The following PDE4D variants were observed in gnomAD, a reference collection of about 807,000 sequenced individuals.
PDE4D encodes 3',5'-cyclic-AMP phosphodiesterase 4D.
A neutral mutation model predicts 87.4 loss-of-function variants in PDE4D; 24 were observed. The ratio of observed to expected loss-of-function variants is 0.27; its 90% CI spans 0.20 to 0.39. The LOEUF (loss-of-function observed/expected upper bound fraction) is 0.39. Ranked by LOEUF, PDE4D falls within the 10% of genes least tolerant of loss-of-function variation. The probability of loss-of-function intolerance (pLI) is 1.00; values close to 1 mark genes in which losing one functional copy is unlikely to be tolerated. For synonymous variants in PDE4D, 384 were observed against 383.2 expected, an observed-to-expected ratio of 1.00 and a Z score of -0.02; for missense variants, 714 against 1,041.0, an observed-to-expected ratio of 0.69 and a Z score of 4.32.
chr5:59,973,599 C>A (rs911197551), intron 3 of PDE4D, among the ~76,000 whole-genome samples: 3 of 152,082 alleles, frequency 2.0e-5, no homozygotes, highest in Non-Finnish European at 4.4e-5. Flanking sequence ...TTGAACAGAA[C>A]ATACCAGAAT....
At chr5:60,441,717 C>T (rs1745230570) in intron 1 of PDE4D, among the ~76,000 whole-genome samples, 2 of 152,076 alleles carry the variant, frequency 1.3e-5, no homozygotes, top group African/African-American at 4.8e-5. Context: ...TCAGAATCTA[C>T]AAGGAACTTA....
At chr5:60,403,650 G>A (rs1038796993) in intron 1 of PDE4D, among the ~76,000 whole-genome samples, 1 of 152,218 alleles carries the variant, frequency 6.6e-6, no homozygotes, top group South Asian at 2.1e-4. Flanking sequence ...AGGGAAACTA[G>A]AGCTAATAGA....
At position 59,223,294 on chromosome 5, in the gene PDE4D, G is replaced by A. The variant is rs140469607; in HGVS notation, c.456-7326C>T. 4.9e-3 allele frequency among the ~76,000 whole-genome samples: 739 copies of A among 152,210 alleles called. 3 individuals are homozygous for A. Among genetic ancestry groups the A allele is most frequent in the African/African-American group, 0.017 (699 of 41,514 alleles). ...TTGGAGGTCCCAACAACCTAGGTGG[G>A]GCTCCAGCTGAATATAATGAGCAGA... On this transcript the variant is annotated intron_variant, in intron 1 of 14. Coordinates refer to ENST00000340635, the MANE Select transcript of PDE4D (RefSeq NM_001104631.2).
chr5:60,499,503 C>T (rs1749968230), intron 1 of PDE4D, among the ~76,000 whole-genome samples: 2 of 152,272 alleles, frequency 1.3e-5, no homozygotes, highest in Middle Eastern at 3.4e-3. Flanking sequence ...TGACTCCCCT[C>T]AGCTTTCTCC....
chr5:59,748,483 G>T (rs990903426), intron 1 of PDE4D, among the ~76,000 whole-genome samples: 2 of 152,136 alleles, frequency 1.3e-5, no homozygotes, highest in East Asian at 3.9e-4. Context: ...AAAAAAGGAT[G>T]AGTTCACGTG....
At chr5:59,662,232 C>T (rs1580241962) in intron 1 of PDE4D, among the ~76,000 whole-genome samples, 1 of 152,148 alleles carries the variant, frequency 6.6e-6, no homozygotes, top group Non-Finnish European at 1.5e-5. Flanking sequence ...GACAGGAAAA[C>T]AAGAAAATAC....
chr5:60,219,726 G>A (rs990112611), intron 1 of PDE4D, among the ~76,000 whole-genome samples: 1 of 152,134 alleles, frequency 6.6e-6, no homozygotes, highest in Non-Finnish European at 1.5e-5. Context: ...CTAAACTAAG[G>A]CCGGGACCTT....
intron 1 of PDE4D, among the ~76,000 whole-genome samples, chr5:60,382,501 C>A (rs1452376266): frequency 6.6e-6 from 1 of 152,098 alleles, no homozygotes; most frequent in Non-Finnish European, 1.5e-5. Flanking sequence ...CTGCTTCCTC[C>A]AGAGGTGATT....
At chr5:60,189,161 G>A (rs1455898348) in intron 1 of PDE4D, among the ~76,000 whole-genome samples, 2 of 152,190 alleles carry the variant, frequency 1.3e-5, no homozygotes, top group Non-Finnish European at 2.9e-5. Context: ...AAAGAAGGAA[G>A]AGTCAGCTCC....
intron 1 of PDE4D, among the ~76,000 whole-genome samples, chr5:60,271,587 TATATA>T (rs550867791): frequency 1.1e-3 from 168 of 152,286 alleles, no homozygotes; most frequent in Non-Finnish European, 8.1e-4. Context: ...GAAAAGGCCC[TATATA>T]GTCATTCTGA....
At chr5:60,068,443 T>A (rs1218297064) in intron 2 of PDE4D, among the ~76,000 whole-genome samples, 1 of 152,078 alleles carries the variant, frequency 6.6e-6, no homozygotes, top group African/African-American at 2.4e-5. Context: ...TTTATTTTTC[T>A]CTCTCTTTTA....
rs1371063155 is a variant in PDE4D at position 59,079,441 on chromosome 5, C to T, written c.809-40470G>A. 2.0e-5 allele frequency among the ~76,000 whole-genome samples: 3 copies of T among 152,090 alleles called. No individual in the cohort carries two copies. In the East Asian group the frequency reaches 5.8e-4, roughly 29 times the overall value. ...TTTCTACACACATATGCACACAGTGCATTTTTGAAAACATAACTGAGTCTT... is the reference window on the plus strand; with the variant it reads ...TTTCTACACACATATGCACACAGTGTATTTTTGAAAACATAACTGAGTCTT... On this transcript the variant is annotated intron_variant, in intron 5 of 14. Transcript: ENST00000340635.
chr5:59,941,242 C>T (rs1397527145), intron 3 of PDE4D, among the ~76,000 whole-genome samples: 1 of 152,134 alleles, frequency 6.6e-6, no homozygotes, highest in African/African-American at 2.4e-5. Flanking sequence ...GAGTGATGTT[C>T]GTGTGATTGT....
chr5:59,502,357 T>C (rs192042143), intron 1 of PDE4D, among the ~76,000 whole-genome samples: 363 of 152,218 alleles, frequency 2.4e-3, no homozygotes, highest in African/African-American at 8.6e-3. Context: ...AGCACTCAAA[T>C]AGTTGTTTAA....
intron 1 of PDE4D, chr5:59,768,441 C>T (rs1445785381): frequency 1.9e-5 from 31 of 1,598,252 alleles, no homozygotes; most frequent in South Asian, 4.4e-5. Flanking sequence ...CGTTCAGCCA[C>T]GGGTTTGGAC....
At chr5:60,079,728 G>C (rs967258569) in intron 2 of PDE4D, among the ~76,000 whole-genome samples, 1 of 152,082 alleles carries the variant, frequency 6.6e-6, no homozygotes, top group Non-Finnish European at 1.5e-5. Context: ...CTGCTCCATT[G>C]GTCTATTTGT....
At position 58,975,204 on chromosome 5, in the gene PDE4D, A is replaced by G; in HGVS notation, c.2014-124T>C. On this transcript the variant is annotated intron_variant, in intron 14 of 14. Transcript: ENST00000340635. This position sits in a 1 kb window ranked among gnomAD's most constrained non-coding sequence, Gnocchi z 4.2. ...GAAGACTACTAAACTTAGTTTGGTAAAATTGTCACTATTTTCAACAACAAC... is the reference window on the plus strand; with the variant it reads ...GAAGACTACTAAACTTAGTTTGGTAGAATTGTCACTATTTTCAACAACAAC... The G allele has an allele frequency of 1.9e-6, 1 of 532,924 alleles. No homozygotes were observed. The highest frequency in any genetic ancestry group is 3.1e-5 in the East Asian group (1 of 32,170). The allele number at this position is 532,924 out of a possible 1,614,324, so 33.0% of individuals were successfully genotyped here.
intron 1 of PDE4D, among the ~76,000 whole-genome samples, chr5:60,301,425 T>C (rs1023404028): frequency 6.6e-6 from 1 of 152,192 alleles, no homozygotes; most frequent in African/African-American, 2.4e-5. Flanking sequence ...GGTCCTTCAC[T>C]TCCCTTGCTA....
At chr5:60,106,079 C>A (rs1582680753) in intron 2 of PDE4D, among the ~76,000 whole-genome samples, 1 of 151,962 alleles carries the variant, frequency 6.6e-6, no homozygotes, top group African/African-American at 2.4e-5. Context: ...GATAAAGGGT[C>A]AAGACCCATC....
Sources: allele counts gnomAD v4.1 joint callset (sites outside exome capture counted in the v4.1 genomes callset), GRCh38; gene constraint gnomAD v4.1.1; non-coding constraint Gnocchi (gnomAD v3.1); transcripts MANE v1.5; gene names NCBI Gene and HGNC (gene_info 2026-07-23, HGNC 2026-07-21).